TAX1BP1: variants seen among roughly 807,000 people sequenced by gnomAD.
TAX1BP1 encodes tax1-binding protein 1.
In TAX1BP1, 62 loss-of-function variants were observed where a neutral mutation model predicts 97.7. That is an observed-to-expected ratio of 0.63 (90% CI 0.52 to 0.78). TAX1BP1 has a LOEUF of 0.78. TAX1BP1 is among the 30% of genes least tolerant of loss of function. TAX1BP1 has a pLI of 0.00. For missense variants in TAX1BP1, 867 were observed against 916.1 expected (o/e 0.95, Z 0.69); for synonymous variants, 340 against 304.2 (o/e 1.12, Z -1.23).
intron 2 of TAX1BP1, among the ~76,000 whole-genome samples, chr7:27,750,237 G>A (rs1225106193): frequency 6.6e-6 from 1 of 152,140 alleles, no homozygotes; most frequent in Non-Finnish European, 1.5e-5. Context: ...GCAGGAAAAT[G>A]GTACAGGTTG....
At chr7:27,792,721 G>A (rs373556297) in intron 9 of TAX1BP1, among the ~76,000 whole-genome samples, 4 of 152,018 alleles carry the variant, frequency 2.6e-5, no homozygotes, top group Admixed American at 1.3e-4. Flanking sequence ...CAGCACTTTG[G>A]GGGGCTGAGG....
chr7:27,800,109 GTA>G lies in TAX1BP1; in HGVS notation c.1764+21_1764+22del. ...TTATAAAGTAAGTTTGGTACTCCTT[GTA>G]TGTAAACTTAAGGCATAAACTTCTG... On this transcript the variant is annotated intron_variant, in intron 13 of 16. Transcript: ENST00000396319. 6.5e-7 allele frequency: 1 copy of G among 1,545,438 alleles called. No individual in the cohort carries two copies. The highest frequency in any genetic ancestry group is 1.3e-5 in the South Asian group (1 of 77,780).
chr7:27,773,657 A>G (rs956481103), intron 5 of TAX1BP1, among the ~76,000 whole-genome samples: 4 of 152,070 alleles, frequency 2.6e-5, no homozygotes, highest in Non-Finnish European at 2.9e-5. Flanking sequence ...CAAATAATCT[A>G]TTGTACTGAT....
At chr7:27,804,260 G>A (rs1006559334) in intron 13 of TAX1BP1, among the ~76,000 whole-genome samples, 7 of 152,232 alleles carry the variant, frequency 4.6e-5, no homozygotes, top group African/African-American at 1.7e-4. Context: ...TATCATAAAA[G>A]AGCCATTCTA....
At chr7:27,824,171 AT>A (rs1791082204) in intron 15 of TAX1BP1, among the ~76,000 whole-genome samples, 1 of 152,236 alleles carries the variant, frequency 6.6e-6, no homozygotes, top group African/African-American at 2.4e-5. Context: ...TGGTAATTTT[AT>A]TTTTAATTTT....
intron 3 of TAX1BP1, among the ~76,000 whole-genome samples, chr7:27,763,767 C>CAAAAAAAAAAAAAAAAA (rs575118347): frequency 1.7e-5 from 2 of 118,780 alleles, no homozygotes; most frequent in Admixed American, 8.7e-5. Flanking sequence ...GACTCTGTCT[C>CAAAAAAAAAAAAAAAAA]AAAAAAAAAA....
intron 8 of TAX1BP1, among the ~76,000 whole-genome samples, chr7:27,790,288 GT>G (rs1422386059): frequency 6.6e-6 from 1 of 151,726 alleles, no homozygotes; most frequent in African/African-American, 2.4e-5. Context: ...TGTAGTATAT[GT>G]TTTTTGATTG....
chr7:27,807,536 G>A (rs1043235669), intron 13 of TAX1BP1, among the ~76,000 whole-genome samples: 1 of 151,988 alleles, frequency 6.6e-6, no homozygotes, highest in African/African-American at 2.4e-5. Flanking sequence ...TGAAACTTAG[G>A]TTATGAATTT....
intron 1 of TAX1BP1, among the ~76,000 whole-genome samples, chr7:27,741,653 A>C (rs907499406): frequency 1.3e-5 from 2 of 152,044 alleles, no homozygotes; most frequent in Non-Finnish European, 2.9e-5. Flanking sequence ...GGCGCGCACC[A>C]CCACACTGAA....
chr7:27,786,323 C>T (rs1268164769), intron 7 of TAX1BP1, among the ~76,000 whole-genome samples: 5 of 151,850 alleles, frequency 3.3e-5, no homozygotes, highest in African/African-American at 4.8e-5. Context: ...TTAGTAGAGA[C>T]GAGGTTTCAC....
At chr7:27,766,076 T>C in intron 4 of TAX1BP1, 55 bp downstream of exon 4, 4 of 1,532,944 alleles carry the variant, frequency 2.6e-6, no homozygotes, top group Non-Finnish European at 2.6e-6. Flanking sequence ...ACAGAGCTCA[T>C]GTTGGTTGGC....
At position 27,806,501 on chromosome 7, in the gene TAX1BP1, C is replaced by A. The variant is rs73297505; in HGVS notation, c.1764+6411C>A. ...TGCTATCTAGTTATCTCAATCCATTCATCAAAATGCCGGTTTTATGTCAGT... is the reference window on the plus strand; with the variant it reads ...TGCTATCTAGTTATCTCAATCCATTAATCAAAATGCCGGTTTTATGTCAGT... On this transcript the variant is annotated intron_variant, in intron 13 of 16. Transcript: ENST00000396319. 7.5e-3 allele frequency among the ~76,000 whole-genome samples: 1,140 copies of A among 152,050 alleles called. 15 individuals are homozygous for A. Among genetic ancestry groups the A allele is most frequent in the African/African-American group, 0.026 (1,095 of 41,506 alleles).
rs970901030 is a variant in TAX1BP1, at chr7:27,800,071, A to G, written c.1745A>G (p.Glu582Gly). Residue 582 changes from glutamate (E) to glycine (G), a missense_variant, in exon 13 of 17, where the codon GAA becomes GGA. This residue lies in a region of TAX1BP1 where 822 missense variants were observed against 851.4 expected (regional missense o/e 0.97). Transcript: ENST00000396319. ...GAAAATGTAAAACTTGAACTAGCTG[A>G]AGTACAGGACAATTATAAAGTAAGT... ...IAENVKLELAEVQDNYKELKR... is the reference protein window; with the variant it reads ...IAENVKLELAGVQDNYKELKR... The G allele has an allele frequency of 6.3e-7, 1 of 1,590,212 alleles. No individual in the cohort carries two copies. Among genetic ancestry groups the G allele is most frequent in the Non-Finnish European group, 8.6e-7 (1 of 1,168,742 alleles).
chr7:27,808,984 A>T (rs1270761018), intron 13 of TAX1BP1, among the ~76,000 whole-genome samples: 1 of 152,244 alleles, frequency 6.6e-6, no homozygotes, highest in East Asian at 1.9e-4. Context: ...AAAATGATTT[A>T]AAATGAATAG....
intron 15 of TAX1BP1, among the ~76,000 whole-genome samples, chr7:27,826,109 A>C (rs1791169463): frequency 6.6e-6 from 1 of 152,202 alleles, no homozygotes; most frequent in Admixed American, 6.5e-5. Context: ...TCACTGTCCT[A>C]CATACTAAGC....
chr7:27,793,335 C>T, intron 10 of TAX1BP1, 123 bp downstream of exon 10: 1 of 902,072 alleles, frequency 1.1e-6, no homozygotes, highest in Non-Finnish European at 1.6e-6. Context: ...GATTTCAAGT[C>T]ATTGGCCAAA....
intron 2 of TAX1BP1, among the ~76,000 whole-genome samples, chr7:27,752,234 A>T (rs1234691906): frequency 1.3e-5 from 2 of 152,230 alleles, no homozygotes; most frequent in Non-Finnish European, 2.9e-5. Context: ...GGATATGTCA[A>T]CAGTCAATTG....
intron 5 of TAX1BP1, among the ~76,000 whole-genome samples, chr7:27,778,605 C>T (rs1789124900): frequency 1.3e-5 from 2 of 152,188 alleles, no homozygotes; most frequent in South Asian, 4.2e-4. Flanking sequence ...TGGCTCACGC[C>T]TGTAATCCCA....
chr7:27,828,703 A>C lies in TAX1BP1; in HGVS notation c.2244A>C (p.Glu748Asp), dbSNP rs1289082572. The C allele has an allele frequency of 1.9e-6, 3 of 1,614,008 alleles. No individual in the cohort carries two copies. In the East Asian group the frequency reaches 6.7e-5, roughly 36 times the overall value. Residue 748 changes from glutamate (E) to aspartate (D), a missense_variant, in exon 17 of 17, where the codon GAA (glutamate) becomes GAC (aspartate). Glu to Asp is a conservative substitution (Grantham distance 45). Around this residue, in one of 3 missense-constraint regions of TAX1BP1, gnomAD observed 11 missense variants for 31.4 expected, o/e 0.35. Coordinates refer to ENST00000396319, the MANE Select transcript of TAX1BP1 (RefSeq NM_006024.7). ...ACTATGATCAGAGCAAATTTGAAGA[A>C]CATGTTGAAAGTCACTGGAAGGTGT... ...PPNYDQSKFE[E>D]HVESHWKVCP... is the part of the protein sequence containing the mutation.
Sources: allele counts gnomAD v4.1 joint callset (sites outside exome capture counted in the v4.1 genomes callset), GRCh38; gene constraint gnomAD v4.1.1; regional missense constraint gnomAD v4.1.1; transcripts MANE v1.5; gene names NCBI Gene and HGNC (gene_info 2026-07-23, HGNC 2026-07-21).